Variants in INTS6 observed in about 807,000 individuals in gnomAD.
The protein encoded by INTS6 is DEAD box protein.
In INTS6, 16 loss-of-function variants were observed where a neutral mutation model predicts 104.9. The observed-to-expected ratio is 0.15, with a 90% CI of 0.10 to 0.23. INTS6 has a LOEUF of 0.23. Ranked by LOEUF, INTS6 falls within the 10% of genes least tolerant of loss-of-function variation. The pLI is 1.00. For missense variants in INTS6, 584 were observed against 1,062.8 expected (o/e 0.55, Z 6.26); for synonymous variants, 324 against 358.7 (o/e 0.90, Z 1.09).
At chr13:51,381,702 T>TG (rs1956052456) in intron 10 of INTS6, among the ~76,000 whole-genome samples, 1 of 22,780 alleles carries the variant, frequency 4.4e-5, no homozygotes, top group Admixed American at 5.3e-4. Context: ...AAGTTTTTTG[T>TG]TTTTTTTTTT....
intron 10 of INTS6, among the ~76,000 whole-genome samples, chr13:51,380,847 A>G (rs968871451): frequency 6.6e-6 from 1 of 152,224 alleles, no homozygotes; most frequent in Non-Finnish European, 1.5e-5. Flanking sequence ...ATATGGTTCT[A>G]TAAGAATATA....
chr13:51,383,137 A>C (rs1956084027), intron 9 of INTS6, among the ~76,000 whole-genome samples, 192 bp downstream of exon 9: 1 of 151,842 alleles, frequency 6.6e-6, no homozygotes, highest in South Asian at 2.1e-4. Context: ...CAGACTAAAA[A>C]GTGTTTCAAT....
chr13:51,338,493 G>A, the INTS6 span, among the ~76,000 whole-genome samples: 67 of 151,912 alleles, frequency 4.4e-4, no homozygotes, highest in African/African-American at 1.3e-3. Context: ...ATGGATGCAC[G>A]GACAGACGGA....
chr13:51,399,352 A>G (rs1956394242), intron 4 of INTS6, among the ~76,000 whole-genome samples: 1 of 152,142 alleles, frequency 6.6e-6, no homozygotes, highest in South Asian at 2.1e-4. Flanking sequence ...GACTACAGGC[A>G]CGTGCCACCA....
Position 51,369,218 on chromosome 13 carries a change from C to T in INTS6, c.2197G>A (p.Asp733Asn). The part of the protein sequence containing the change: ...LSSDITPNAM[D>N]TEFSASSPAS... ...GGAGAAGATGCTGAAAATTCCGTAT[C>T]CATAGCATTTGGTGTAATGTCTGAT... The change falls in exon 16 of 18, where the codon GAT (aspartate) becomes AAT (asparagine). Residue 733 changes from aspartate to asparagine, a missense_variant. By Grantham distance (23) the Asp-to-Asn change is conservative. Around this residue, in one of 5 missense-constraint regions of INTS6, gnomAD observed 296 missense variants for 437.0 expected, o/e 0.68. Coordinates refer to ENST00000311234, the MANE Select transcript of INTS6 (RefSeq NM_012141.3). 6.2e-7 allele frequency: 1 copy of T among 1,613,756 alleles called. No individual in the cohort carries two copies. Among genetic ancestry groups the T allele is most frequent in the South Asian group, 1.1e-5 (1 of 91,078 alleles).
At chr13:51,346,771 C>T in the INTS6 span, among the ~76,000 whole-genome samples, 16 of 152,310 alleles carry the variant, frequency 1.1e-4, no homozygotes, top group East Asian at 1.5e-3. Context: ...ATGACCATAT[C>T]GCTCAACAGT....
chr13:51,398,647 G>C (rs755602584), intron 4 of INTS6, among the ~76,000 whole-genome samples: 16 of 150,418 alleles, frequency 1.1e-4, no homozygotes, highest in Admixed American at 3.3e-4. Flanking sequence ...GATAGTATCT[G>C]ATAAAGCTAA....
chr13:51,443,936 A>AT (rs1452691002), intron 3 of INTS6: 4 of 152,220 alleles, frequency 2.6e-5, no homozygotes, highest in Admixed American at 1.3e-4. Flanking sequence ...AAATACACAA[A>AT]TAAGTCCAAT....
chr13:51,348,134 A>G, the INTS6 span: 1 of 1,117,714 alleles, frequency 8.9e-7, no homozygotes, highest in Non-Finnish European at 1.3e-6. Context: ...CCTCTGAGCC[A>G]GCCTCTCTCA....
the INTS6 span, chr13:51,344,371 T>C: frequency 1.2e-6 from 2 of 1,613,532 alleles, no homozygotes; most frequent in South Asian, 1.1e-5. Context: ...ACTGTCCCCC[T>C]GCTTTGTGGA....
intron 4 of INTS6, 138 bp downstream of exon 4, chr13:51,430,156 T>C: frequency 1.5e-6 from 1 of 646,650 alleles, no homozygotes; most frequent in Non-Finnish European, 2.7e-6. Flanking sequence ...CAAACAAAGA[T>C]GGGCCATAGG....
downstream of INTS6, among the ~76,000 whole-genome samples, chr13:51,350,790 C>T (rs2137791446): frequency 6.6e-6 from 1 of 152,244 alleles, no homozygotes; most frequent in East Asian, 1.9e-4. Context: ...AGCAGTCACT[C>T]CCAGCTCCCC....
chr13:51,445,426 A>G (rs577488089), intron 3 of INTS6: 9 of 152,362 alleles, frequency 5.9e-5, no homozygotes, highest in African/African-American at 2.2e-4. Context: ...TCAAAATTAA[A>G]GCTGAAAAAA....
In INTS6 at chr13:51,364,508, C is replaced by T; in HGVS notation, c.*1244G>A. 2 of 438,324 alleles carry T rather than the reference C, an allele frequency of 4.6e-6. No individual in the cohort carries two copies. Among genetic ancestry groups the T allele is most frequent in the Non-Finnish European group, 8.1e-6 (2 of 247,646 alleles). 27.2% of individuals were successfully genotyped at this position (438,324 alleles called of 1,614,324 possible). On this transcript the variant is annotated 3_prime_UTR_variant, in exon 18 of 18. Transcript: ENST00000311234. ...ACCTTCTTTTCTACTGCTTACCCCC[C>T]AAACCACTAAAAGGCACAGCAGTGA...
rs761871899 is a variant in INTS6 at position 51,355,012 on chromosome 13, TG to T, written n.431-677del. 4.4e-6 allele frequency: 5 copies of T among 1,135,268 alleles called. No homozygotes were observed. The Admixed American group carries it at 6.1e-5, about 14-fold the overall frequency. The allele number at this position is 1,135,268 out of a possible 1,614,324, so 70.3% of individuals were successfully genotyped here. A position where few individuals can be genotyped will look rare whatever the true frequency, so the allele number is the denominator to read the frequency against. ...ATGAAAGTATATTGAGTGAGAATTTTGAAAGTTGATGGTTTGTTTTTGCCTT... is the reference window on the plus strand; with the variant it reads ...ATGAAAGTATATTGAGTGAGAATTTTAAAGTTGATGGTTTGTTTTTGCCTT... On this transcript the variant is annotated intron_variant and non_coding_transcript_variant, in intron 3 of 3. Transcript: ENST00000476666.
intron 10 of INTS6, among the ~76,000 whole-genome samples, chr13:51,380,321 G>GTT (rs929020192): frequency 6.6e-6 from 1 of 152,106 alleles, no homozygotes; most frequent in Non-Finnish European, 1.5e-5. Context: ...ACTAGCAAGA[G>GTT]TGTCTAGCAT....
chr13:51,390,522 A>G (rs2137949065), intron 5 of INTS6, among the ~76,000 whole-genome samples: 1 of 152,114 alleles, frequency 6.6e-6, no homozygotes, highest in African/African-American at 2.4e-5. Flanking sequence ...CTAAAACTCA[A>G]TCTTTGGCCA....
At chr13:51,334,739 T>C in the INTS6 span, among the ~76,000 whole-genome samples, 1 of 152,124 alleles carries the variant, frequency 6.6e-6, no homozygotes, top group Non-Finnish European at 1.5e-5. Flanking sequence ...CCCAGCACTT[T>C]GGGAGGCCGA....
intron 4 of INTS6, among the ~76,000 whole-genome samples, chr13:51,420,336 A>T (rs1463019846): frequency 3.6e-5 from 5 of 140,786 alleles, no homozygotes; most frequent in Non-Finnish European, 4.7e-5. Context: ...TGGTTCATTT[A>T]AAAAAAAAAA....
Sources: allele counts gnomAD v4.1 joint callset (sites outside exome capture counted in the v4.1 genomes callset), GRCh38; gene constraint gnomAD v4.1.1; regional missense constraint gnomAD v4.1.1; transcripts MANE v1.5; gene names NCBI Gene and HGNC (gene_info 2026-07-23, HGNC 2026-07-21).